Variants in NPAS2 observed in about 807,000 individuals in gnomAD.
The protein encoded by NPAS2 is neuronal PAS domain protein 2, also known as neuronal PAS domain-containing protein 2.
NPAS2 carries 23 observed loss-of-function variants against 107.5 expected under a neutral mutation model. The observed-to-expected ratio is 0.21, with a 90% CI of 0.15 to 0.30. NPAS2 has a LOEUF of 0.30. NPAS2 is among the 10% of genes least tolerant of loss of function. The probability of loss-of-function intolerance (pLI) is 1.00; values close to 1 mark genes in which losing one functional copy is unlikely to be tolerated. For missense variants in NPAS2, 756 were observed against 1,043.3 expected, an observed-to-expected ratio of 0.72 and a Z score of 3.79; for synonymous variants, 403 against 417.5, an observed-to-expected ratio of 0.97 and a Z score of 0.42.
chr2:100,834,904 C>T (rs948381940), intron 1 of NPAS2, among the ~76,000 whole-genome samples: 24 of 152,058 alleles, frequency 1.6e-4, no homozygotes, highest in African/African-American at 5.1e-4. Flanking sequence ...TAGTAGAGAC[C>T]GGGTTTCACC....
intron 1 of NPAS2, among the ~76,000 whole-genome samples, chr2:100,896,695 T>C (rs747752492): frequency 1.3e-5 from 2 of 152,190 alleles, no homozygotes; most frequent in Non-Finnish European, 2.9e-5. Context: ...TCCCTTCAAA[T>C]GTACTTTGTA....
Position 100,968,229 on chromosome 2 carries a change from A to T in NPAS2, c.908-52A>T. The stretch of plus-strand genomic sequence containing the variant: ...CTTTACAATAACTCTTGGGGAAAAG[A>T]TCATTTTCATATTAACATTGGTTAT... On this transcript the variant is annotated intron_variant, in intron 10 of 20. Coordinates refer to ENST00000335681, the MANE Select transcript of NPAS2 (RefSeq NM_002518.4). The surrounding 1 kb of genome is among the most constrained non-coding windows in gnomAD (Gnocchi z 5.3). 1 of 1,572,994 alleles carries T rather than the reference A, an allele frequency of 6.4e-7. No homozygotes were observed. The highest frequency in any genetic ancestry group is 2.3e-5 in the East Asian group (1 of 44,332).
chr2:100,942,298 G>A (rs1347210767), intron 5 of NPAS2, among the ~76,000 whole-genome samples: 1 of 152,150 alleles, frequency 6.6e-6, no homozygotes, highest in African/African-American at 2.4e-5. Flanking sequence ...CCCCTGGCCT[G>A]TGTTAACACA....
chr2:100,842,583 T>C (rs1258208763), intron 1 of NPAS2, among the ~76,000 whole-genome samples: 2 of 152,162 alleles, frequency 1.3e-5, no homozygotes, highest in African/African-American at 2.4e-5. Context: ...TATTCACTTA[T>C]ATAAAGTCCT....
intron 7 of NPAS2, among the ~76,000 whole-genome samples, chr2:100,952,288 C>T (rs1316550973): frequency 4.6e-5 from 7 of 152,110 alleles, no homozygotes; most frequent in Non-Finnish European, 1.0e-4. Flanking sequence ...CTGTGGGAAT[C>T]ATAGGATGCT....
At chr2:100,956,628 A>C (rs929779802) in intron 7 of NPAS2, among the ~76,000 whole-genome samples, 1 of 152,168 alleles carries the variant, frequency 6.6e-6, no homozygotes, top group Non-Finnish European at 1.5e-5. Context: ...TCCAAGACTG[A>C]GAGAGTCCCT....
upstream of NPAS2, among the ~76,000 whole-genome samples, chr2:100,819,451 G>C (rs1049449946): frequency 1.3e-5 from 2 of 152,128 alleles, no homozygotes; most frequent in Non-Finnish European, 2.9e-5. The surrounding 1 kb of genome is among the most constrained non-coding windows in gnomAD (Gnocchi z 5.8). Flanking sequence ...CCGCTCGCCC[G>C]CATCTTCCCC....
chr2:100,933,090 A>C, intron 4 of NPAS2, 89 bp downstream of exon 4: 7 of 935,830 alleles, frequency 7.5e-6, no homozygotes, highest in South Asian at 7.0e-5. Flanking sequence ...AAAGGAAACT[A>C]CTGTTCTTGA....
At chr2:100,899,223 CTT>C (rs368357697) in intron 1 of NPAS2, among the ~76,000 whole-genome samples, 35 of 133,672 alleles carry the variant, frequency 2.6e-4, no homozygotes, top group Non-Finnish European at 2.6e-4. Context: ...TTATGGACTT[CTT>C]TTTTTTTTTT....
intron 1 of NPAS2, among the ~76,000 whole-genome samples, chr2:100,887,486 G>T (rs1432816064): frequency 1.3e-5 from 2 of 152,184 alleles, no homozygotes; most frequent in Non-Finnish European, 2.9e-5. Flanking sequence ...AGGACGTCAT[G>T]CAGGCGAGCT....
intron 1 of NPAS2, among the ~76,000 whole-genome samples, chr2:100,886,227 C>A (rs1573545536): frequency 6.6e-6 from 1 of 152,290 alleles, no homozygotes; most frequent in South Asian, 2.1e-4. Context: ...GCCCCCAAGC[C>A]ACTCGCACAT....
At chr2:100,842,081 G>GCGCGCGCGCACACACACACACA in intron 1 of NPAS2, among the ~76,000 whole-genome samples, 16,700 of 148,748 alleles carry the variant, frequency 0.11, 1,383 homozygotes, top group Non-Finnish European at 0.16. Flanking sequence ...GCATGTACGC[G>GCGCGCGCGCACACACACACACA]CACACACACA....
chr2:100,850,255 T>G lies in NPAS2; in HGVS notation c.-23+29841T>G, dbSNP rs943149679. Among the ~76,000 whole-genome samples the G allele has an allele frequency of 2.0e-5, 3 of 152,162 alleles. No individual in the cohort carries two copies. The East Asian group carries it at 5.8e-4, about 29-fold the overall frequency. On this transcript the variant is annotated intron_variant, in intron 1 of 20. Transcript: ENST00000335681. The stretch of plus-strand genomic sequence containing the variant: ...AATAAACAAATTTTAAAACTGATAC[T>G]ATAATCGAGTTCTCATATTCTGGCC...
In NPAS2 at chr2:100,964,875, T is replaced by G. The variant is rs762710567; in HGVS notation, c.732T>G (p.Val244=). The G allele has an allele frequency of 6.6e-5, 104 of 1,578,156 alleles. No individual in the cohort carries two copies. The Middle Eastern group carries it at 8.3e-4, about 13-fold the overall frequency. ...TPQFLKEMCI[V]DEPLEEFTSR... ...TTCCAATACAGGAAATGTGCATAGT[T>G]GACGAACCTTTAGAGGAATTCACTT... Residue 244 remains valine (V), a synonymous_variant, in exon 9 of 21, where the codon GTT becomes GTG. Coordinates refer to ENST00000335681, the MANE Select transcript of NPAS2 (RefSeq NM_002518.4).
At chr2:100,833,484 A>G (rs1357263307) in intron 1 of NPAS2, among the ~76,000 whole-genome samples, 3 of 152,234 alleles carry the variant, frequency 2.0e-5, no homozygotes, top group African/African-American at 4.8e-5. Context: ...GACAAGGTAC[A>G]TTCTAGCAAG....
chr2:100,968,231 C>A lies in NPAS2; in HGVS notation c.908-50C>A. Reference sequence around the variant, plus strand: ...TTACAATAACTCTTGGGGAAAAGATCATTTTCATATTAACATTGGTTATAT... The same window carrying A: ...TTACAATAACTCTTGGGGAAAAGATAATTTTCATATTAACATTGGTTATAT... On this transcript the variant is annotated intron_variant, in intron 10 of 20. Coordinates refer to ENST00000335681, the MANE Select transcript of NPAS2 (RefSeq NM_002518.4). The surrounding 1 kb of genome is among the most constrained non-coding windows in gnomAD (Gnocchi z 5.3). 2 of 1,573,378 alleles carry A rather than the reference C, an allele frequency of 1.3e-6. No homozygotes were observed. Among genetic ancestry groups the A allele is most frequent in the South Asian group, 2.3e-5 (2 of 88,874 alleles).
chr2:100,980,119 G>C (rs1677342425), intron 15 of NPAS2, among the ~76,000 whole-genome samples: 2 of 152,146 alleles, frequency 1.3e-5, no homozygotes, highest in African/African-American at 4.8e-5. Context: ...CCATCAAGAA[G>C]GTAAGGAGGG....
intron 2 of NPAS2, among the ~76,000 whole-genome samples, chr2:100,915,122 A>G (rs756408273): frequency 2.6e-5 from 4 of 152,140 alleles, no homozygotes; most frequent in Non-Finnish European, 4.4e-5. Context: ...CCCAGAAGCA[A>G]TCCTCCAACA....
rs75278733 is a variant in NPAS2, at chr2:100,936,629, A to G, written c.274-1124A>G. On this transcript the variant is annotated intron_variant, in intron 4 of 20. Transcript: ENST00000335681. Reference sequence around the variant, plus strand: ...ATTTTAGAAATCAACTATCAGATACATATTGTGAAAGCACTGCAAGCATCC... The same window carrying G: ...ATTTTAGAAATCAACTATCAGATACGTATTGTGAAAGCACTGCAAGCATCC... 7.4e-3 allele frequency among the ~76,000 whole-genome samples: 1,120 copies of G among 152,272 alleles called. 15 individuals are homozygous for G. The highest frequency in any genetic ancestry group is 0.024 in the African/African-American group (988 of 41,556).
Sources: allele counts gnomAD v4.1 joint callset (sites outside exome capture counted in the v4.1 genomes callset), GRCh38; gene constraint gnomAD v4.1.1; non-coding constraint Gnocchi (gnomAD v3.1); transcripts MANE v1.5; gene names NCBI Gene and HGNC (gene_info 2026-07-23, HGNC 2026-07-21).